TRAF3: variants seen among roughly 807,000 people sequenced by gnomAD.
TRAF3 encodes the protein TNF receptor-associated factor 3.
Under a neutral mutation model 62.3 loss-of-function variants are expected in TRAF3, and 13 were observed. The ratio of observed to expected loss-of-function variants is 0.21; its 90% CI spans 0.14 to 0.33. TRAF3 has a LOEUF of 0.33. Ranked by LOEUF, TRAF3 falls within the 10% of genes least tolerant of loss-of-function variation. The probability of loss-of-function intolerance (pLI) is 1.00; values close to 1 mark genes in which losing one functional copy is unlikely to be tolerated. For missense variants in TRAF3, 440 were observed against 741.8 expected (o/e 0.59, Z 4.73); for synonymous variants, 269 against 283.4 (o/e 0.95, Z 0.51).
chr14:102,860,512 T>A (rs564838335), intron 2 of TRAF3, among the ~76,000 whole-genome samples: 12 of 152,350 alleles, frequency 7.9e-5, no homozygotes, highest in Admixed American at 2.6e-4. Flanking sequence ...AAAGTCGTTT[T>A]AAATATCTTA....
intron 7 of TRAF3, among the ~76,000 whole-genome samples, chr14:102,888,070 C>G (rs548746764): frequency 1.6e-4 from 25 of 152,292 alleles, no homozygotes; most frequent in African/African-American, 5.1e-4. Context: ...CGAATTTACT[C>G]TAGTACACTG....
chr14:102,858,518 T>C (rs1887507409), intron 2 of TRAF3, among the ~76,000 whole-genome samples: 1 of 129,300 alleles, frequency 7.7e-6, no homozygotes, highest in Non-Finnish European at 1.5e-5. Context: ...AGAGCACCTG[T>C]TGAAGTCCTA....
intron 2 of TRAF3, among the ~76,000 whole-genome samples, chr14:102,865,248 G>C (rs1162888595): frequency 6.6e-6 from 1 of 152,148 alleles, no homozygotes; most frequent in Admixed American, 6.5e-5. Flanking sequence ...CCACCTCATT[G>C]ATATAGAAGG....
chr14:102,806,501 C>T (rs1468675473), intron 1 of TRAF3, among the ~76,000 whole-genome samples: 6 of 152,136 alleles, frequency 3.9e-5, no homozygotes, highest in Non-Finnish European at 5.9e-5. Context: ...GCTGTGGTTC[C>T]CAAGTTCCCC....
intron 1 of TRAF3, among the ~76,000 whole-genome samples, chr14:102,809,760 G>A (rs1171495418): frequency 6.6e-6 from 1 of 150,544 alleles, no homozygotes; most frequent in Non-Finnish European, 1.5e-5. Flanking sequence ...TCAATCTCCT[G>A]ACCTCGTGAT....
chr14:102,837,779 T>G (rs1022634486), intron 2 of TRAF3, among the ~76,000 whole-genome samples: 1 of 152,226 alleles, frequency 6.6e-6, no homozygotes, highest in East Asian at 1.9e-4. Flanking sequence ...AATTGACAGT[T>G]GTCAAAGTCA....
At chr14:102,885,042 A>G (rs990709980) in intron 6 of TRAF3, among the ~76,000 whole-genome samples, 3 of 152,166 alleles carry the variant, frequency 2.0e-5, no homozygotes, top group African/African-American at 7.2e-5. Context: ...CCCTGGCCAC[A>G]GTGCTGCCCT....
chr14:102,902,224 C>T (rs1258514565), intron 10 of TRAF3, among the ~76,000 whole-genome samples: 2 of 152,264 alleles, frequency 1.3e-5, no homozygotes, highest in Non-Finnish European at 2.9e-5. Context: ...GCGTTCCTGC[C>T]TCCCTCGCTG....
intron 1 of TRAF3, among the ~76,000 whole-genome samples, chr14:102,806,092 G>C (rs1421671596): frequency 6.6e-6 from 1 of 151,790 alleles, no homozygotes; most frequent in Non-Finnish European, 1.5e-5. Flanking sequence ...TGGGGTGGGG[G>C]ATGCCACTGG....
intron 5 of TRAF3, 39 bp from the exon 6 acceptor site, chr14:102,876,319 T>C (rs1316538378): frequency 1.9e-6 from 3 of 1,611,744 alleles, no homozygotes; most frequent in Non-Finnish European, 2.5e-6. Context: ...ATTTAGGGTT[T>C]TTTTCCCAAT....
At chr14:102,869,767 C>T (rs1313782900) in intron 2 of TRAF3, among the ~76,000 whole-genome samples, 2 of 150,418 alleles carry the variant, frequency 1.3e-5, no homozygotes, top group Non-Finnish European at 2.9e-5. Flanking sequence ...GATGGCGCCA[C>T]TGCACTCCAG....
intron 2 of TRAF3, among the ~76,000 whole-genome samples, chr14:102,839,329 C>T (rs1886235049): frequency 6.7e-6 from 1 of 149,630 alleles, no homozygotes; most frequent in South Asian, 2.1e-4. Context: ...AGCGATTCTC[C>T]TGCCTCAGCC....
intron 1 of TRAF3, among the ~76,000 whole-genome samples, chr14:102,789,937 C>T (rs1489272177): frequency 1.3e-5 from 2 of 152,024 alleles, no homozygotes; most frequent in African/African-American, 4.8e-5. Context: ...CAGCAATTCT[C>T]ATGCCTCAGT....
intron 2 of TRAF3, among the ~76,000 whole-genome samples, chr14:102,852,949 A>G (rs1424737406): frequency 2.0e-5 from 3 of 151,976 alleles, no homozygotes; most frequent in African/African-American, 4.8e-5. Flanking sequence ...GCTGGAGTGC[A>G]GCGGCACAAT....
In TRAF3 at chr14:102,834,704, A is replaced by AAAAAG. The variant is rs1342585126; in HGVS notation, c.-18+4235_-18+4236insAGAAA. On this transcript the variant is annotated intron_variant, in intron 2 of 11. Coordinates refer to ENST00000392745, the MANE Select transcript of TRAF3 (RefSeq NM_145725.3). The stretch of plus-strand genomic sequence containing the variant: ...CTCCGTCTCAAAAAAAAAAAAAAAA[A>AAAAAG]AAAGAAATTGGACCCCTTCCCTACA... Among the ~76,000 whole-genome samples, 25 of 150,854 alleles carry AAAAAG rather than the reference A, an allele frequency of 1.7e-4. No individual in the cohort carries two copies. In the East Asian group the frequency reaches 3.5e-3, roughly 21 times the overall value.
intron 1 of TRAF3, among the ~76,000 whole-genome samples, chr14:102,814,403 A>G (rs1899388005): frequency 6.6e-6 from 1 of 152,146 alleles, no homozygotes; most frequent in African/African-American, 2.4e-5. Flanking sequence ...CTTGCTCAGC[A>G]TTGCTTTGGC....
chr14:102,835,416 T>C (rs1595345596), intron 2 of TRAF3, among the ~76,000 whole-genome samples: 1 of 152,200 alleles, frequency 6.6e-6, no homozygotes, highest in East Asian at 1.9e-4. Context: ...CTCAAAGGAA[T>C]ATAAATTGTT....
chr14:102,814,607 C>T (rs984498557), intron 1 of TRAF3, among the ~76,000 whole-genome samples: 36 of 152,180 alleles, frequency 2.4e-4, no homozygotes, highest in South Asian at 2.1e-4. Flanking sequence ...CAGCCTTGAC[C>T]TCCTGGACTT....
intron 7 of TRAF3, among the ~76,000 whole-genome samples, chr14:102,887,674 A>G (rs748563902): frequency 6.6e-5 from 10 of 151,338 alleles, no homozygotes; most frequent in Non-Finnish European, 1.3e-4. Context: ...GGCTCAGTGC[A>G]TGCTCTGCCT....
Sources: allele counts gnomAD v4.1 joint callset (sites outside exome capture counted in the v4.1 genomes callset), GRCh38; gene constraint gnomAD v4.1.1; transcripts MANE v1.5; gene names NCBI Gene and HGNC (gene_info 2026-07-23, HGNC 2026-07-21).